AUTS2: variants seen among roughly 807,000 people sequenced by gnomAD.
The protein encoded by AUTS2 is autism susceptibility gene 2 protein.
AUTS2 carries 17 observed loss-of-function variants against 112.4 expected under a neutral mutation model. The ratio of observed to expected loss-of-function variants is 0.15; its 90% CI spans 0.10 to 0.23. The LOEUF (loss-of-function observed/expected upper bound fraction) is 0.23. Among genes scored for constraint, AUTS2 ranks in the 10% least tolerant of loss-of-function variants. The pLI is 1.00. For synonymous variants in AUTS2, 751 were observed against 702.7 expected (o/e 1.07, Z -1.09); for missense variants, 1,510 against 1,701.6 (o/e 0.89, Z 1.98).
intron 2 of AUTS2, among the ~76,000 whole-genome samples, chr7:69,988,479 G>A (rs1455658710): frequency 6.6e-6 from 1 of 152,142 alleles, no homozygotes; most frequent in African/African-American, 2.4e-5. Context: ...TTTAATGCCA[G>A]CTCTCATAAT....
intron 5 of AUTS2, among the ~76,000 whole-genome samples, chr7:70,687,361 C>T (rs2129545935): frequency 6.6e-6 from 1 of 152,268 alleles, no homozygotes; most frequent in South Asian, 2.1e-4. Context: ...GTGACACGAG[C>T]AGGGATTGGA....
In AUTS2 at chr7:70,606,853, T is replaced by TG. The variant is rs1251109626; in HGVS notation, c.691-91716_691-91715insG. Among the ~76,000 whole-genome samples, 306 of 144,590 alleles carry TG rather than the reference T, an allele frequency of 2.1e-3. 1 individual carries two copies. The highest frequency in any genetic ancestry group is 7.5e-3 in the African/African-American group (292 of 38,942). The allele number at this position is 144,590 out of a possible 152,430, so 94.9% of individuals were successfully genotyped here. On this transcript the variant is annotated intron_variant, in intron 5 of 18. Coordinates refer to ENST00000342771, the MANE Select transcript of AUTS2 (RefSeq NM_015570.4). ...CTCCAGCCTGGGCGACAAGCGAGAC[T>TG]CTGTCTCAAGAAAAAAAAAAAAAAA...
intron 5 of AUTS2, among the ~76,000 whole-genome samples, chr7:70,553,430 A>G (rs1448152769): frequency 2.6e-5 from 4 of 152,310 alleles, no homozygotes; most frequent in East Asian, 1.9e-4. Flanking sequence ...CAGTGGAGGC[A>G]TCATGGGGTT....
chr7:69,648,115 C>T (rs748593764), intron 1 of AUTS2, among the ~76,000 whole-genome samples: 12 of 152,082 alleles, frequency 7.9e-5, no homozygotes, highest in Non-Finnish European at 1.3e-4. Context: ...ACAATTAAAC[C>T]CATAACAGAG....
At chr7:70,436,084 T>C (rs1046205800) in intron 5 of AUTS2, 1 of 303,688 alleles carries the variant, frequency 3.3e-6, no homozygotes, top group Non-Finnish European at 6.0e-6. Flanking sequence ...TTATTTATTT[T>C]AATAACCATC....
At chr7:69,866,316 T>C (rs1168202904) in intron 1 of AUTS2, among the ~76,000 whole-genome samples, 2 of 152,174 alleles carry the variant, frequency 1.3e-5, no homozygotes, top group Admixed American at 1.3e-4. Flanking sequence ...CTTTTCCTTA[T>C]AGGTGTGTGT....
At chr7:69,618,441 A>G (rs1043854292) in intron 1 of AUTS2, among the ~76,000 whole-genome samples, 7 of 152,090 alleles carry the variant, frequency 4.6e-5, no homozygotes, top group Admixed American at 3.3e-4. Context: ...GTTTGACTGG[A>G]GCGTTTTTCA....
chr7:70,698,440 G>A (rs2129547430), intron 5 of AUTS2, 129 bp from the exon 6 acceptor site: 2 of 728,298 alleles, frequency 2.7e-6, no homozygotes, highest in East Asian at 5.3e-5. Flanking sequence ...GGATGATTTG[G>A]GGACATTGCT....
At chr7:70,624,222 G>A (rs1025710852) in intron 5 of AUTS2, among the ~76,000 whole-genome samples, 2 of 152,198 alleles carry the variant, frequency 1.3e-5, no homozygotes, top group African/African-American at 4.8e-5. Context: ...TACTCAGGAT[G>A]TGCTGGTCTC....
intron 5 of AUTS2, among the ~76,000 whole-genome samples, chr7:70,497,651 C>T (rs1171887118): frequency 6.6e-6 from 1 of 152,070 alleles, no homozygotes; most frequent in Non-Finnish European, 1.5e-5. Flanking sequence ...CTTGGCATTC[C>T]CCTTATTTTA....
chr7:69,910,006 G>C (rs1795291053), intron 2 of AUTS2, among the ~76,000 whole-genome samples: 1 of 152,094 alleles, frequency 6.6e-6, no homozygotes. Flanking sequence ...GGTGGTAGTG[G>C]GCCTGGTGTG....
chr7:70,159,248 G>A (rs1807950937), intron 4 of AUTS2, among the ~76,000 whole-genome samples: 1 of 152,150 alleles, frequency 6.6e-6, no homozygotes, highest in African/African-American at 2.4e-5. Flanking sequence ...CCTCACACGT[G>A]TTTGAAGTAA....
chr7:69,745,581 C>T (rs1787455194), intron 1 of AUTS2, among the ~76,000 whole-genome samples: 1 of 152,184 alleles, frequency 6.6e-6, no homozygotes, highest in African/African-American at 2.4e-5. Context: ...CTTGGCTAGA[C>T]TAATATTACT....
At chr7:70,090,685 CTT>C (rs1279080115) in intron 2 of AUTS2, among the ~76,000 whole-genome samples, 21 of 128,912 alleles carry the variant, frequency 1.6e-4, no homozygotes, top group Admixed American at 1.6e-4. Flanking sequence ...AGATTTCTGT[CTT>C]TTTTTTTTTT....
At chr7:70,303,384 G>C (rs1186673764) in intron 4 of AUTS2, among the ~76,000 whole-genome samples, 1 of 151,510 alleles carries the variant, frequency 6.6e-6, no homozygotes, top group Non-Finnish European at 1.5e-5. Context: ...ACCTGGATTT[G>C]CAGAAATACA....
intron 5 of AUTS2, among the ~76,000 whole-genome samples, chr7:70,689,283 A>T (rs1039377577): frequency 2.0e-5 from 3 of 152,156 alleles, no homozygotes; most frequent in Admixed American, 2.0e-4. Context: ...CAAGAGGCTG[A>T]GGTAGGAGGA....
At chr7:70,751,904 TA>T (rs1264905089) in intron 6 of AUTS2, among the ~76,000 whole-genome samples, 2 of 150,992 alleles carry the variant, frequency 1.3e-5, no homozygotes, top group African/African-American at 4.9e-5. Context: ...TTTTTTTTTT[TA>T]GTAGAGACAG....
chr7:69,635,022 A>C (rs1384948106), intron 1 of AUTS2, among the ~76,000 whole-genome samples: 12 of 151,956 alleles, frequency 7.9e-5, no homozygotes, highest in Non-Finnish European at 8.8e-5. Context: ...TTCTTTTTAA[A>C]GAACTCAGTC....
intron 4 of AUTS2, among the ~76,000 whole-genome samples, chr7:70,278,109 T>G (rs1788025142): frequency 6.6e-6 from 1 of 152,128 alleles, no homozygotes; most frequent in South Asian, 2.1e-4. Context: ...GGTATACCTG[T>G]GCACATTACA....
Sources: allele counts gnomAD v4.1 joint callset (sites outside exome capture counted in the v4.1 genomes callset), GRCh38; gene constraint gnomAD v4.1.1; transcripts MANE v1.5; gene names NCBI Gene and HGNC (gene_info 2026-07-23, HGNC 2026-07-21).